Variants in ST6GAL1 observed in about 807,000 individuals in gnomAD.
ST6GAL1 encodes ST6 beta-galactoside alpha-2,6-sialyltransferase 1.
In ST6GAL1, 20 loss-of-function variants were observed where a neutral mutation model predicts 38.0. That is an observed-to-expected ratio of 0.53 (90% CI 0.37 to 0.77). The LOEUF (loss-of-function observed/expected upper bound fraction) is 0.77, where lower values mean the gene tolerates loss of function less well. ST6GAL1 is among the 30% of genes least tolerant of loss of function. ST6GAL1 has a pLI of 0.00. For missense variants in ST6GAL1, 432 were observed against 496.4 expected, an observed-to-expected ratio of 0.87 and a Z score of 1.23; for synonymous variants, 196 against 188.2, an observed-to-expected ratio of 1.04 and a Z score of -0.34.
intron 2 of ST6GAL1, among the ~76,000 whole-genome samples, chr3:187,013,005 G>A (rs1717006394): frequency 6.6e-6 from 1 of 152,184 alleles, no homozygotes; most frequent in African/African-American, 2.4e-5. Flanking sequence ...GGGGTGAGGT[G>A]GAAGGGCTCA....
intron 2 of ST6GAL1, among the ~76,000 whole-genome samples, chr3:186,990,060 G>A (rs976228025): frequency 2.0e-5 from 3 of 152,302 alleles, no homozygotes; most frequent in Non-Finnish European, 4.4e-5. Context: ...TCTTGACTGC[G>A]TCTTGCTCTG....
At chr3:187,005,269 CTTTTTTTTTTTTTTT>C (rs58085172) in intron 2 of ST6GAL1, among the ~76,000 whole-genome samples, 8 of 103,956 alleles carry the variant, frequency 7.7e-5, no homozygotes, top group African/African-American at 1.0e-4. Flanking sequence ...TTTTCTTTTT[CTTTTTTTTTTTTTTT>C]TTTTTTTTGA....
intron 1 of ST6GAL1, among the ~76,000 whole-genome samples, chr3:186,937,791 A>G (rs1336317542): frequency 3.3e-5 from 5 of 152,148 alleles, no homozygotes; most frequent in Non-Finnish European, 7.3e-5. Context: ...ATCTGTGAAG[A>G]GCCAGGAGTG....
intron 5 of ST6GAL1, among the ~76,000 whole-genome samples, chr3:187,065,823 T>C (rs183552700): frequency 2.4e-3 from 358 of 152,328 alleles, no homozygotes; most frequent in Non-Finnish European, 4.1e-3. Flanking sequence ...ATATATACCA[T>C]CTAAGGGTCT....
intron 2 of ST6GAL1, among the ~76,000 whole-genome samples, chr3:187,029,868 G>T (rs1178618381): frequency 6.6e-6 from 1 of 152,138 alleles, no homozygotes; most frequent in Non-Finnish European, 1.5e-5. Context: ...GGAAAGTGAG[G>T]AACAGTGACA....
chr3:187,009,383 C>A (rs1432723460), intron 2 of ST6GAL1, among the ~76,000 whole-genome samples: 1 of 151,866 alleles, frequency 6.6e-6, no homozygotes, highest in Non-Finnish European at 1.5e-5. Context: ...CATTATTGAC[C>A]CTGAATTGAT....
chr3:187,007,962 C>A (rs1716835449), intron 2 of ST6GAL1, among the ~76,000 whole-genome samples: 1 of 145,340 alleles, frequency 6.9e-6, no homozygotes, highest in Admixed American at 7.2e-5. Flanking sequence ...AAAGTATACA[C>A]AATGAAATAT....
rs28537473 is a variant in ST6GAL1 at position 186,967,277 on chromosome 3, C to G, written c.-183+3351C>G. 5.1e-4 allele frequency among the ~76,000 whole-genome samples: 78 copies of G among 152,248 alleles called. No homozygotes were observed. The East Asian group carries it at 6.9e-3, about 14-fold the overall frequency. On this transcript the variant is annotated intron_variant, in intron 2 of 7. Coordinates refer to ENST00000169298, the MANE Select transcript of ST6GAL1 (RefSeq NM_173216.2). Reference sequence around the variant, plus strand: ...CGCAATCTCAGCTCACTGCAACCTCCGCCTCCTGGGTTCAAGCGAGTCTCC... The same window carrying G: ...CGCAATCTCAGCTCACTGCAACCTCGGCCTCCTGGGTTCAAGCGAGTCTCC...
At chr3:187,044,600 G>A (rs1049948844) in intron 4 of ST6GAL1, among the ~76,000 whole-genome samples, 1 of 152,168 alleles carries the variant, frequency 6.6e-6, no homozygotes, top group African/African-American at 2.4e-5. Context: ...ATGGAGCTAA[G>A]TTTCTTTCTT....
chr3:187,006,295 G>T (rs570302810), intron 2 of ST6GAL1: 1 of 152,222 alleles, frequency 6.6e-6, no homozygotes, highest in East Asian at 1.9e-4. Flanking sequence ...CTGGAAGCCA[G>T]ATCTAACCTA....
At chr3:187,061,377 A>G (rs77652674) in intron 5 of ST6GAL1, among the ~76,000 whole-genome samples, 3,745 of 152,296 alleles carry the variant, frequency 0.025, 168 homozygotes, top group African/African-American at 0.084. Flanking sequence ...AGAAAAAGCT[A>G]TCCTAAAATT....
intron 1 of ST6GAL1, among the ~76,000 whole-genome samples, chr3:186,941,219 C>T (rs1040622629): frequency 6.6e-6 from 1 of 152,164 alleles, no homozygotes; most frequent in African/African-American, 2.4e-5. Context: ...GGAACAGGAC[C>T]TCGTGGGAGA....
intron 2 of ST6GAL1, among the ~76,000 whole-genome samples, chr3:187,037,050 T>G (rs58909335): frequency 0.16 from 25,048 of 152,198 alleles, 2,290 homozygotes; most frequent in African/African-American, 0.24. Context: ...TGTAATCTTT[T>G]GAATTATTTA....
chr3:186,959,023 G>A (rs1714844913), intron 1 of ST6GAL1, among the ~76,000 whole-genome samples: 1 of 151,720 alleles, frequency 6.6e-6, no homozygotes, highest in Non-Finnish European at 1.5e-5. Context: ...AGGGCTCAGT[G>A]TCTCCCCCTG....
rs778307019 is a variant in ST6GAL1 at position 187,072,822 on chromosome 3, C to G, written c.706-27C>G. 4 of 1,591,178 alleles carry G rather than the reference C, an allele frequency of 2.5e-6. No homozygotes were observed. In the South Asian group the frequency reaches 4.4e-5, roughly 18 times the overall value. On this transcript the variant is annotated intron_variant, in intron 5 of 7. Coordinates refer to ENST00000169298, the MANE Select transcript of ST6GAL1 (RefSeq NM_173216.2). ...AAACATTTGCATATGAATGTTCAAG[C>G]GACAGCTTATCTCTTTCTTCCTGCA...
chr3:187,072,563 C>T (rs1028963477), intron 5 of ST6GAL1: 4 of 378,816 alleles, frequency 1.1e-5, no homozygotes, highest in South Asian at 4.4e-5. Context: ...GCTGGGATGC[C>T]GTGCTATTTT....
At chr3:186,997,394 C>T (rs954803252) in intron 2 of ST6GAL1, among the ~76,000 whole-genome samples, 7 of 152,134 alleles carry the variant, frequency 4.6e-5, no homozygotes, top group African/African-American at 7.2e-5. Context: ...AGTTCCTATT[C>T]TGCTCTTCAT....
intron 2 of ST6GAL1, among the ~76,000 whole-genome samples, chr3:187,012,918 T>G (rs1456127119): frequency 1.3e-5 from 2 of 152,184 alleles, no homozygotes; most frequent in African/African-American, 4.8e-5. Context: ...GCGTTTCCTA[T>G]GTCAGGCCGT....
intron 2 of ST6GAL1, among the ~76,000 whole-genome samples, chr3:186,985,905 A>G (rs1715903393): frequency 6.6e-6 from 1 of 152,222 alleles, no homozygotes; most frequent in African/African-American, 2.4e-5. Flanking sequence ...ACTGGCAGGA[A>G]GCTGGTCCCA....
Sources: allele counts gnomAD v4.1 joint callset (sites outside exome capture counted in the v4.1 genomes callset), GRCh38; gene constraint gnomAD v4.1.1; transcripts MANE v1.5; gene names NCBI Gene and HGNC (gene_info 2026-07-23, HGNC 2026-07-21).